The following TRHDE variants were observed in gnomAD, a reference collection of about 807,000 sequenced individuals.
The protein encoded by TRHDE is thyrotropin releasing hormone degrading enzyme, also known as thyrotropin-releasing hormone-degrading ectoenzyme.
Under a neutral mutation model 125.7 loss-of-function variants are expected in TRHDE, and 72 were observed. That is an observed-to-expected ratio of 0.57 (90% CI 0.47 to 0.70). TRHDE has a LOEUF of 0.70. TRHDE is among the 30% of genes least tolerant of loss of function. The pLI, the probability that TRHDE is intolerant of heterozygous loss-of-function variation, is 0.00. For missense variants in TRHDE, 1,110 were observed against 1,327.1 expected, an observed-to-expected ratio of 0.84 and a Z score of 2.54; for synonymous variants, 509 against 509.1, an observed-to-expected ratio of 1.00 and a Z score of 0.00.
chr12:72,230,547 T>A (rs1249187086), intron 2 of TRHDE, among the ~76,000 whole-genome samples: 4 of 152,000 alleles, frequency 2.6e-5, no homozygotes, highest in Admixed American at 2.0e-4. Context: ...CCAAAATATA[T>A]CTCATTCAGA....
At chr12:72,509,187 C>G (rs1878479717) in intron 6 of TRHDE, among the ~76,000 whole-genome samples, 1 of 152,078 alleles carries the variant, frequency 6.6e-6, no homozygotes, top group Non-Finnish European at 1.5e-5. Flanking sequence ...TACAGCCTAT[C>G]TTTATCAAGC....
At chr12:72,556,742 T>C (rs1869944400) in intron 7 of TRHDE, among the ~76,000 whole-genome samples, 1 of 152,182 alleles carries the variant, frequency 6.6e-6, no homozygotes, top group Non-Finnish European at 1.5e-5. Context: ...AAATGACAAA[T>C]GCACACTACA....
Position 72,331,370 on chromosome 12 carries a change from G to C in TRHDE, c.1188+44416G>C, listed in dbSNP as rs11834123. Among the ~76,000 whole-genome samples, 37 of 67,892 alleles carry C rather than the reference G, an allele frequency of 5.4e-4. 12 individuals carry two copies. Among genetic ancestry groups the C allele is most frequent in the Non-Finnish European group, 8.2e-4 (18 of 21,980 alleles). 44.5% of individuals were successfully genotyped at this position (67,892 alleles called of 152,430 possible). On this transcript the variant is annotated intron_variant, in intron 2 of 18. Transcript: ENST00000261180. ...GTTTTCCAAGAAAATAATGGAAAAA[G>C]CTACTGAAGATCATTAATTCTCTTT...
chr12:72,213,032 A>G (rs1418856276), intron 2 of TRHDE, among the ~76,000 whole-genome samples: 1 of 152,178 alleles, frequency 6.6e-6, no homozygotes, highest in Non-Finnish European at 1.5e-5. Context: ...ACATGCTACA[A>G]TATAGATAAA....
rs181834786 is a variant in TRHDE, at chr12:72,499,131, G to C, written c.1585-367G>C. On this transcript the variant is annotated intron_variant, in intron 5 of 18. Transcript: ENST00000261180. The stretch of plus-strand genomic sequence containing the variant: ...ATTTAACTTACCTAAAAGGTGATTT[G>C]GGACTGGAATTATAATGTTTACCCT... 3.9e-5 allele frequency among the ~76,000 whole-genome samples: 6 copies of C among 152,218 alleles called. No individual in the cohort carries two copies. The East Asian group carries it at 1.2e-3, about 29-fold the overall frequency.
intron 15 of TRHDE, among the ~76,000 whole-genome samples, chr12:72,650,735 T>A (rs1256075659): frequency 6.6e-6 from 1 of 152,106 alleles, no homozygotes; most frequent in Non-Finnish European, 1.5e-5. Context: ...TTGGCAAAAG[T>A]AGGGCAATAA....
At chr12:72,366,688 G>A (rs990736602) in intron 2 of TRHDE, among the ~76,000 whole-genome samples, 7 of 151,936 alleles carry the variant, frequency 4.6e-5, no homozygotes, top group African/African-American at 1.7e-4. Flanking sequence ...GGGCCATGGG[G>A]CCCAAAAACC....
chr12:72,517,502 A>G (rs1169913737), intron 6 of TRHDE, among the ~76,000 whole-genome samples: 2 of 151,948 alleles, frequency 1.3e-5, no homozygotes, highest in Non-Finnish European at 2.9e-5. Flanking sequence ...CCCCTTTATC[A>G]TTTTTTATTG....
intron 1 of TRHDE, among the ~76,000 whole-genome samples, chr12:72,097,354 G>A (rs1874949874): frequency 6.7e-6 from 1 of 148,458 alleles, no homozygotes; most frequent in Admixed American, 6.7e-5. Flanking sequence ...AACAGATGAT[G>A]TTTCCTGGAA....
At position 72,415,056 on chromosome 12, in the gene TRHDE, G is replaced by A. The variant is rs1392971393; in HGVS notation, c.1315+36935G>A. Among the ~76,000 whole-genome samples, 4 of 152,166 alleles carry A rather than the reference G, an allele frequency of 2.6e-5. No individual in the cohort carries two copies. In the East Asian group the frequency reaches 7.7e-4, roughly 29 times the overall value. Reference sequence around the variant, plus strand: ...GGGCTCCTACTGTTCGTTGGTTCATGAATCCGTATTTTAGTATTTTGGAAG... The same window carrying A: ...GGGCTCCTACTGTTCGTTGGTTCATAAATCCGTATTTTAGTATTTTGGAAG... On this transcript the variant is annotated intron_variant, in intron 3 of 18. Transcript: ENST00000261180.
intron 2 of TRHDE, among the ~76,000 whole-genome samples, chr12:72,354,333 T>C (rs1870717846): frequency 6.6e-6 from 1 of 151,576 alleles, no homozygotes; most frequent in African/African-American, 2.4e-5. Context: ...AGAAGAGTGG[T>C]CTTGGGAATA....
chr12:72,460,434 GC>G (rs149849974), intron 3 of TRHDE, among the ~76,000 whole-genome samples: 2,109 of 152,182 alleles, frequency 0.014, 45 homozygotes, highest in African/African-American at 0.048. Context: ...TAATATGTAT[GC>G]TTTTTGACTT....
intron 2 of TRHDE, among the ~76,000 whole-genome samples, chr12:72,120,914 G>A (rs764560172): frequency 2.9e-4 from 44 of 151,772 alleles, no homozygotes; most frequent in Admixed American, 3.9e-4. Flanking sequence ...TCCTGATCTC[G>A]TGGTCTGCCC....
chr12:72,309,282 A>G (rs1868428303), intron 2 of TRHDE, among the ~76,000 whole-genome samples: 1 of 152,194 alleles, frequency 6.6e-6, no homozygotes. Flanking sequence ...TACTCTTTCA[A>G]GCTGTTTGTG....
chr12:72,164,618 A>G (rs1204857250), intron 2 of TRHDE, among the ~76,000 whole-genome samples: 1 of 152,180 alleles, frequency 6.6e-6, no homozygotes, highest in African/African-American at 2.4e-5. Context: ...TCTACCTTAC[A>G]TACAGTCCAG....
At chr12:72,471,621 A>C (rs1437398533) in intron 4 of TRHDE, among the ~76,000 whole-genome samples, 1 of 152,196 alleles carries the variant, frequency 6.6e-6, no homozygotes, top group Non-Finnish European at 1.5e-5. Context: ...TTTCCTGCCC[A>C]CCTATTTGTT....
At chr12:72,261,921 A>G (rs891973629) in intron 2 of TRHDE, among the ~76,000 whole-genome samples, 3 of 152,188 alleles carry the variant, frequency 2.0e-5, no homozygotes, top group African/African-American at 7.2e-5. Flanking sequence ...TACTCTGAGA[A>G]AGAACTGAAG....
At chr12:72,424,615 C>A (rs978690153) in intron 3 of TRHDE, among the ~76,000 whole-genome samples, 1 of 152,192 alleles carries the variant, frequency 6.6e-6, no homozygotes, top group Admixed American at 6.6e-5. Context: ...TGTGGACCAA[C>A]TCAAATGCTG....
At chr12:72,315,432 A>G (rs1868753638) in intron 2 of TRHDE, among the ~76,000 whole-genome samples, 3 of 152,122 alleles carry the variant, frequency 2.0e-5, no homozygotes, top group Admixed American at 6.5e-5. Flanking sequence ...TCAAGCAGCC[A>G]TCTGTGCCAT....
Sources: allele counts gnomAD v4.1 joint callset (sites outside exome capture counted in the v4.1 genomes callset), GRCh38; gene constraint gnomAD v4.1.1; transcripts MANE v1.5; gene names NCBI Gene and HGNC (gene_info 2026-07-23, HGNC 2026-07-21).